Variants in ATXN1 observed in about 807,000 individuals in gnomAD.
ATXN1 encodes ataxin-1.
ATXN1 carries 8 observed loss-of-function variants against 56.4 expected under a neutral mutation model. The ratio of observed to expected loss-of-function variants is 0.14; its 90% CI spans 0.08 to 0.26. The LOEUF (loss-of-function observed/expected upper bound fraction) is 0.26, where lower values mean the gene tolerates loss of function less well. Ranked by LOEUF, ATXN1 falls within the 10% of genes least tolerant of loss-of-function variation. The pLI is 1.00. For synonymous variants in ATXN1, 514 were observed against 494.6 expected (o/e 1.04, Z -0.52); for missense variants, 987 against 1,106.5 (o/e 0.89, Z 1.53).
intron 6 of ATXN1, among the ~76,000 whole-genome samples, chr6:16,336,568 G>C (rs1761127614): frequency 6.6e-6 from 1 of 152,210 alleles, no homozygotes. Context: ...GACTGCAGAA[G>C]GAGCCTCTGG....
chr6:16,412,378 T>A (rs560875747), intron 6 of ATXN1, among the ~76,000 whole-genome samples: 3 of 152,286 alleles, frequency 2.0e-5, no homozygotes, highest in African/African-American at 7.2e-5. Context: ...CTAGACTACA[T>A]CCTTTTCTGC....
chr6:16,509,224 C>G (rs1346407982), intron 5 of ATXN1, among the ~76,000 whole-genome samples: 1 of 152,190 alleles, frequency 6.6e-6, no homozygotes, highest in African/African-American at 2.4e-5. Context: ...TTGAACCCAG[C>G]TACCTCTCTC....
chr6:16,690,103 G>A (rs1439646504), intron 2 of ATXN1, among the ~76,000 whole-genome samples: 1 of 151,936 alleles, frequency 6.6e-6, no homozygotes, highest in African/African-American at 2.4e-5. Flanking sequence ...TTTATTATTT[G>A]TCTTAGAGAC....
intron 5 of ATXN1, among the ~76,000 whole-genome samples, chr6:16,499,886 C>A (rs555813804): frequency 2.0e-5 from 3 of 152,228 alleles, no homozygotes; most frequent in Non-Finnish European, 4.4e-5. Context: ...CTTGGCTACA[C>A]ATTGTGACCA....
intron 6 of ATXN1, among the ~76,000 whole-genome samples, chr6:16,433,897 G>C (rs1302797218): frequency 6.6e-6 from 1 of 152,178 alleles, no homozygotes. Flanking sequence ...CGAGGGTCAC[G>C]ACGCGTCCTC....
chr6:16,640,049 C>T (rs1024901139), intron 3 of ATXN1, among the ~76,000 whole-genome samples: 2 of 152,064 alleles, frequency 1.3e-5, no homozygotes, highest in African/African-American at 4.8e-5. Context: ...CTTTGTTGTC[C>T]TTTGCAGATA....
At chr6:16,533,287 T>A (rs1761539354) in intron 4 of ATXN1, among the ~76,000 whole-genome samples, 1 of 152,220 alleles carries the variant, frequency 6.6e-6, no homozygotes, top group African/African-American at 2.4e-5. Context: ...AGGTGATCTG[T>A]TTGGATCAAG....
intron 5 of ATXN1, among the ~76,000 whole-genome samples, chr6:16,509,925 T>C (rs1055679358): frequency 8.5e-5 from 13 of 152,142 alleles, no homozygotes; most frequent in Admixed American, 2.0e-4. Flanking sequence ...CTTTCCAGAA[T>C]CTGCGTCTCT....
At chr6:16,665,882 G>A (rs753146403) in intron 2 of ATXN1, among the ~76,000 whole-genome samples, 5 of 152,196 alleles carry the variant, frequency 3.3e-5, no homozygotes, top group Non-Finnish European at 7.3e-5. Context: ...TGATCGTTGT[G>A]CATATTTATT....
intron 6 of ATXN1, among the ~76,000 whole-genome samples, chr6:16,408,795 T>C (rs182925908): frequency 8.5e-5 from 13 of 152,276 alleles, no homozygotes; most frequent in Admixed American, 7.2e-4. Context: ...GGCTGGAGGG[T>C]AGTGGCATGT....
At chr6:16,459,224 C>T (rs1158220234) in intron 6 of ATXN1, among the ~76,000 whole-genome samples, 1 of 152,116 alleles carries the variant, frequency 6.6e-6, no homozygotes, top group East Asian at 1.9e-4. Context: ...CATTTGTTGT[C>T]CCCTACTTGA....
intron 2 of ATXN1, among the ~76,000 whole-genome samples, chr6:16,679,453 C>CAGAAGT (rs1420125279): frequency 6.6e-6 from 1 of 151,944 alleles, no homozygotes; most frequent in Non-Finnish European, 1.5e-5. Context: ...AAAGGGGGGA[C>CAGAAGT]AGAAGTAGGG....
intron 6 of ATXN1, among the ~76,000 whole-genome samples, chr6:16,412,028 G>A (rs1029553620): frequency 1.3e-5 from 2 of 152,174 alleles, no homozygotes; most frequent in Non-Finnish European, 2.9e-5. Flanking sequence ...ATGACCAAGT[G>A]CATGAAGTAC....
At chr6:16,622,114 G>A (rs759841750) in intron 3 of ATXN1, among the ~76,000 whole-genome samples, 1 of 152,234 alleles carries the variant, frequency 6.6e-6, no homozygotes. Context: ...AGTGACAGAT[G>A]TAAGCATGGG....
chr6:16,720,854 G>A (rs1173454470), intron 2 of ATXN1, among the ~76,000 whole-genome samples: 1 of 152,216 alleles, frequency 6.6e-6, no homozygotes, highest in Non-Finnish European at 1.5e-5. Context: ...AGAACCCATT[G>A]AGGTAACCCA....
chr6:16,344,327 G>A (rs1288915906), intron 6 of ATXN1, among the ~76,000 whole-genome samples: 3 of 152,250 alleles, frequency 2.0e-5, no homozygotes, highest in Non-Finnish European at 1.5e-5. Context: ...AACTTGATTG[G>A]ATTGAAGGAT....
At chr6:16,522,454 C>T (rs567937306) in intron 5 of ATXN1, among the ~76,000 whole-genome samples, 173 bp downstream of exon 5, 5 of 152,230 alleles carry the variant, frequency 3.3e-5, no homozygotes, top group African/African-American at 1.2e-4. Context: ...AAACCATCCT[C>T]TCCAAAGGAC....
At chr6:16,560,353 G>C (rs905044710) in intron 4 of ATXN1, among the ~76,000 whole-genome samples, 1 of 143,594 alleles carries the variant, frequency 7.0e-6, no homozygotes, top group Non-Finnish European at 1.5e-5. Flanking sequence ...TCGTTTAAAC[G>C]GGGAGGCGGA....
intron 5 of ATXN1, among the ~76,000 whole-genome samples, chr6:16,502,772 T>C (rs1377561424): frequency 6.6e-6 from 1 of 152,214 alleles, no homozygotes; most frequent in East Asian, 1.9e-4. Flanking sequence ...AGGCAAGTTA[T>C]ATAGTTTATA....
Sources: allele counts gnomAD v4.1 joint callset (sites outside exome capture counted in the v4.1 genomes callset), GRCh38; gene constraint gnomAD v4.1.1; transcripts MANE v1.5; gene names NCBI Gene and HGNC (gene_info 2026-07-23, HGNC 2026-07-21).